The following GOLM2 variants were observed in gnomAD, a reference collection of about 807,000 sequenced individuals.
GOLM2 encodes golgi membrane protein 2, also known as protein GOLM2.
Under a neutral mutation model 55.9 loss-of-function variants are expected in GOLM2, and 26 were observed. The observed-to-expected ratio is 0.47, with a 90% confidence interval of 0.34 to 0.65. The LOEUF (loss-of-function observed/expected upper bound fraction) is 0.65. Ranked by LOEUF, GOLM2 falls within the 30% of genes least tolerant of loss-of-function variation. GOLM2 has a pLI of 0.01. For synonymous variants in GOLM2, 165 were observed against 194.6 expected, an observed-to-expected ratio of 0.85 and a Z score of 1.27; for missense variants, 486 against 531.8, an observed-to-expected ratio of 0.91 and a Z score of 0.85.
chr15:44,299,324 G>A (rs1029674058), intron 1 of GOLM2, among the ~76,000 whole-genome samples: 12 of 149,930 alleles, frequency 8.0e-5, no homozygotes, highest in Middle Eastern at 3.4e-3. Flanking sequence ...ACAGAGTCTC[G>A]CTCTGTCGCC....
At chr15:44,379,050 TATTA>T (rs2079384057) in intron 6 of GOLM2, among the ~76,000 whole-genome samples, 1 of 152,166 alleles carries the variant, frequency 6.6e-6, no homozygotes. Context: ...CAGTCCATTT[TATTA>T]ATTCATCAAA....
At chr15:44,338,390 G>A (rs979230884) in intron 6 of GOLM2, 73 bp downstream of exon 6, 5 of 1,114,976 alleles carry the variant, frequency 4.5e-6, no homozygotes, top group African/African-American at 3.1e-5. Context: ...TCTCTTTTTC[G>A]GTAACACTTG....
chr15:44,403,458 A>G (rs1385194165), intron 9 of GOLM2, among the ~76,000 whole-genome samples: 3 of 152,186 alleles, frequency 2.0e-5, no homozygotes, highest in East Asian at 1.9e-4. Context: ...CACTGCGCCC[A>G]GCCAACCTCA....
At chr15:44,316,789 A>G (rs1404175196) in intron 1 of GOLM2, among the ~76,000 whole-genome samples, 1 of 151,664 alleles carries the variant, frequency 6.6e-6, no homozygotes, top group East Asian at 1.9e-4. Flanking sequence ...CTAAAAGACC[A>G]GACTGGGCAA....
intron 6 of GOLM2, among the ~76,000 whole-genome samples, chr15:44,342,832 G>T (rs1466097978): frequency 6.6e-6 from 1 of 152,122 alleles, no homozygotes; most frequent in Admixed American, 6.6e-5. Flanking sequence ...GAATTATCAG[G>T]CTATCTTTAA....
At chr15:44,359,164 A>G (rs2079218498) in intron 6 of GOLM2, among the ~76,000 whole-genome samples, 1 of 151,674 alleles carries the variant, frequency 6.6e-6, no homozygotes, top group South Asian at 2.1e-4. Flanking sequence ...AATAATAATA[A>G]TAATAAAGAA....
Position 44,379,687 on chromosome 15 carries a change from TAGC to T in GOLM2, c.803-2_803del. 6.7e-7 allele frequency: 1 copy of T among 1,492,232 alleles called. No homozygotes were observed. Among genetic ancestry groups the T allele is most frequent in the Non-Finnish European group, 9.3e-7 (1 of 1,078,948 alleles). 92.4% of individuals were successfully genotyped at this position (1,492,232 alleles called of 1,614,324 possible). ...TAATATGGATTTATTTTTTTTCTTC[TAGC>T]TTTAAGGAAGCCTCCTATTTCAGTT... On this transcript the variant is annotated splice_acceptor_variant and coding_sequence_variant, in exon 7 of 10. Transcript: ENST00000299957. LOFTEE classifies it high-confidence loss of function.
intron 8 of GOLM2, 121 bp downstream of exon 8, chr15:44,381,097 G>A: frequency 1.8e-6 from 1 of 558,780 alleles, no homozygotes; most frequent in Non-Finnish European, 2.7e-6. Flanking sequence ...TTAAAGAGAA[G>A]GTATGAAAGT....
intron 8 of GOLM2, among the ~76,000 whole-genome samples, chr15:44,391,570 G>A (rs1353513879): frequency 6.7e-6 from 1 of 149,444 alleles, no homozygotes. Context: ...GACAGGAAGA[G>A]ATGACACAAA....
intron 9 of GOLM2, chr15:44,406,833 A>G (rs1027032056): frequency 7.2e-5 from 11 of 152,026 alleles, no homozygotes; most frequent in Non-Finnish European, 1.6e-4. Context: ...TTCTGGCTTC[A>G]CCTAAATATA....
rs564010865 is a variant in GOLM2, at chr15:44,319,603, T to C, written c.328-3362T>C. 2.6e-5 allele frequency among the ~76,000 whole-genome samples: 4 copies of C among 152,284 alleles called. No individual in the cohort carries two copies. The South Asian group carries it at 8.3e-4, about 32-fold the overall frequency. ...GTTGGTTTTGTTTTCATTTTTGTTTTTGAGACAGGGTCTCGCTCTGCCACC... is the reference window on the plus strand; with the variant it reads ...GTTGGTTTTGTTTTCATTTTTGTTTCTGAGACAGGGTCTCGCTCTGCCACC... On this transcript the variant is annotated intron_variant, in intron 1 of 9. Coordinates refer to ENST00000299957, the MANE Select transcript of GOLM2 (RefSeq NM_138423.4).
At position 44,289,840 on chromosome 15, in the gene GOLM2, T is replaced by C. The variant is rs1314711972; in HGVS notation, c.327+484T>C. 9.2e-5 allele frequency among the ~76,000 whole-genome samples: 14 copies of C among 152,240 alleles called. No individual in the cohort carries two copies. The highest frequency in any genetic ancestry group is 8.5e-4 in the Admixed American group (13 of 15,278). ...TTTTTAAGCTGTGTGACTTTTAAAA[T>C]CTCTATAGGGTGATGTATTGAATAA... On this transcript the variant is annotated intron_variant, in intron 1 of 9. Coordinates refer to ENST00000299957, the MANE Select transcript of GOLM2 (RefSeq NM_138423.4). The surrounding 1 kb of genome is among the most constrained non-coding windows in gnomAD (Gnocchi z 4.8).
chr15:44,400,598 T>TTC (rs2079558558), intron 8 of GOLM2, among the ~76,000 whole-genome samples: 2 of 144,052 alleles, frequency 1.4e-5, no homozygotes, highest in African/African-American at 5.2e-5. Context: ...TTTTTTTTTT[T>TTC]TTTAGTCTTG....
chr15:44,392,728 A>G (rs891428194), intron 8 of GOLM2, among the ~76,000 whole-genome samples: 2 of 152,190 alleles, frequency 1.3e-5, no homozygotes, highest in African/African-American at 4.8e-5. Context: ...AAAATTCAAG[A>G]TTGTTTAATA....
At chr15:44,332,471 C>T (rs532850802) in intron 4 of GOLM2, among the ~76,000 whole-genome samples, 7 of 151,528 alleles carry the variant, frequency 4.6e-5, no homozygotes, top group Admixed American at 6.6e-5. Flanking sequence ...GCAGGAGAAC[C>T]GCTTGAGCCT....
chr15:44,368,303 A>ATTTTTTTTTTTTTTT (rs1245673474), intron 6 of GOLM2, among the ~76,000 whole-genome samples: 8 of 115,688 alleles, frequency 6.9e-5, no homozygotes, highest in East Asian at 2.6e-4. Context: ...ACGCCCAGCT[A>ATTTTTTTTTTTTTTT]TTTTTTTTTT....
intron 1 of GOLM2, among the ~76,000 whole-genome samples, chr15:44,293,978 A>G (rs773567908): frequency 6.6e-6 from 1 of 151,920 alleles, no homozygotes; most frequent in Non-Finnish European, 1.5e-5. Flanking sequence ...GGACTCATGG[A>G]TATTTATTTT....
intron 1 of GOLM2, among the ~76,000 whole-genome samples, chr15:44,317,397 T>TAAAA (rs1308806172): frequency 5.9e-5 from 9 of 151,916 alleles, no homozygotes; most frequent in Admixed American, 5.9e-4. Context: ...TTTTTTTAAA[T>TAAAA]AAAAAACCAA....
chr15:44,297,051 T>A (rs2078761110), intron 1 of GOLM2, among the ~76,000 whole-genome samples: 1 of 152,214 alleles, frequency 6.6e-6, no homozygotes, highest in Non-Finnish European at 1.5e-5. Context: ...TTCCTATAAA[T>A]GATGCCCATG....
Sources: allele counts gnomAD v4.1 joint callset (sites outside exome capture counted in the v4.1 genomes callset), GRCh38; gene constraint gnomAD v4.1.1; non-coding constraint Gnocchi (gnomAD v3.1); transcripts MANE v1.5; gene names NCBI Gene and HGNC (gene_info 2026-07-23, HGNC 2026-07-21).